The following FRMPD4 variants were observed in gnomAD, a reference collection of about 807,000 sequenced individuals.
The protein encoded by FRMPD4 is FERM and PDZ domain containing 4.
FRMPD4 carries 22 observed loss-of-function variants against 94.1 expected under a neutral mutation model. The ratio of observed to expected loss-of-function variants is 0.23; its 90% CI spans 0.17 to 0.33. The LOEUF (loss-of-function observed/expected upper bound fraction) is 0.33, where lower values mean the gene tolerates loss of function less well. Ranked by LOEUF, FRMPD4 falls within the 10% of genes least tolerant of loss-of-function variation. The pLI is 1.00. For synonymous variants in FRMPD4, 631 were observed against 548.6 expected (o/e 1.15, Z -2.10); for missense variants, 1,111 against 1,339.9 (o/e 0.83, Z 2.67).
chrX:12,553,719 T>C (rs1490458410), intron 2 of FRMPD4, among the ~76,000 whole-genome samples: 1 of 109,207 alleles, frequency 9.2e-6, no homozygotes, highest in Non-Finnish European at 1.9e-5. Flanking sequence ...CTGATTCTCA[T>C]GAAGCGAAAT....
chrX:12,166,954 T>C (rs2056130853), intron 1 of FRMPD4, among the ~76,000 whole-genome samples: 1 of 111,290 alleles, frequency 9.0e-6, no homozygotes, highest in Admixed American at 9.5e-5. Flanking sequence ...TTTTCTTTAT[T>C]AGTCTTGCTA....
intron 1 of FRMPD4, among the ~76,000 whole-genome samples, chrX:12,363,029 C>T (rs1185060647): frequency 8.9e-6 from 1 of 111,932 alleles, no homozygotes; most frequent in Non-Finnish European, 1.9e-5. Flanking sequence ...TGTTCGTATC[C>T]CTCGCCCACT....
intron 3 of FRMPD4, among the ~76,000 whole-genome samples, chrX:11,913,434 A>G (rs2054007356): frequency 8.9e-6 from 1 of 112,186 alleles, no homozygotes; most frequent in Admixed American, 9.4e-5. Flanking sequence ...TCTCAGAGCC[A>G]TGGTCATTAT....
intron 1 of FRMPD4, among the ~76,000 whole-genome samples, chrX:12,469,860 G>C (rs1017382454): frequency 8.9e-6 from 1 of 112,420 alleles, no homozygotes; most frequent in African/African-American, 3.2e-5. Flanking sequence ...ACATCCAAAG[G>C]TGTCTCACCT....
chrX:12,638,829 A>G (rs968261653), intron 4 of FRMPD4, among the ~76,000 whole-genome samples: 1 of 111,276 alleles, frequency 9.0e-6, no homozygotes, highest in Non-Finnish European at 1.9e-5. Context: ...TACGAGTGCT[A>G]CCTGTCTCCC....
intron 3 of FRMPD4, among the ~76,000 whole-genome samples, chrX:12,025,410 G>A (rs1389579897): frequency 9.1e-6 from 1 of 109,844 alleles, no homozygotes; most frequent in African/African-American, 3.3e-5. Context: ...AAAAAAAAAA[G>A]GAACTCCTGA....
At chrX:12,701,552 TA>T (rs2084661160) in intron 9 of FRMPD4, among the ~76,000 whole-genome samples, 3 of 112,210 alleles carry the variant, frequency 2.7e-5, no homozygotes, top group Admixed American at 9.5e-5. Context: ...CACATTATGC[TA>T]TCAATGCTGT....
chrX:11,982,059 C>G (rs754475334), intron 3 of FRMPD4, among the ~76,000 whole-genome samples: 2 of 112,015 alleles, frequency 1.8e-5, no homozygotes, highest in Non-Finnish European at 3.8e-5. Context: ...TGTCTCAGAC[C>G]TTCCATCACT....
chrX:12,101,419 A>C (rs1177650993), intron 3 of FRMPD4, among the ~76,000 whole-genome samples: 1 of 111,297 alleles, frequency 9.0e-6, no homozygotes, highest in African/African-American at 3.3e-5. Context: ...AATTGATCCT[A>C]GTCCTACTCT....
intron 1 of FRMPD4, among the ~76,000 whole-genome samples, chrX:12,487,109 G>T (rs2148205199): frequency 8.9e-6 from 1 of 112,246 alleles, no homozygotes; most frequent in East Asian, 2.8e-4. Flanking sequence ...CACCTCCAGA[G>T]TTTGAGGTAA....
chrX:12,527,842 C>G (rs147811108), intron 2 of FRMPD4, among the ~76,000 whole-genome samples: 1 of 112,298 alleles, frequency 8.9e-6, no homozygotes, highest in Non-Finnish European at 1.9e-5. Flanking sequence ...AGATGTTAGA[C>G]AGAGCTTCTC....
At chrX:11,869,464 C>T (rs1221999589) in intron 2 of FRMPD4, among the ~76,000 whole-genome samples, 4 of 111,268 alleles carry the variant, frequency 3.6e-5, no homozygotes, top group Middle Eastern at 4.2e-3. Flanking sequence ...AATGTCTCAC[C>T]ATGAAAAAGG....
In FRMPD4 at chrX:12,093,217, A is replaced by G. The variant is rs145710267; in HGVS notation, c.95+215199A>G. 3.6e-5 allele frequency among the ~76,000 whole-genome samples: 4 copies of G among 111,528 alleles called. No individual in the cohort carries two copies. In the East Asian group the frequency reaches 1.1e-3, roughly 32 times the overall value. The stretch of plus-strand genomic sequence containing the variant: ...TTTCCTTTGGGCAAGATAGGGAATC[A>G]TTTAGAGGGTTATGAGCAAGGGAAT... On this transcript the variant is annotated intron_variant, in intron 3 of 18. Coordinates refer to the FRMPD4 transcript ENST00000640291.
intron 3 of FRMPD4, among the ~76,000 whole-genome samples, chrX:12,131,237 A>C (rs989577102): frequency 3.1e-4 from 35 of 112,303 alleles, no homozygotes; most frequent in African/African-American, 1.1e-3. Context: ...GGCTGAGCTA[A>C]TCATTGTGTA....
intron 1 of FRMPD4, among the ~76,000 whole-genome samples, chrX:12,392,662 A>G (rs1471727013): frequency 3.8e-5 from 4 of 104,519 alleles, no homozygotes; most frequent in African/African-American, 1.4e-4. Flanking sequence ...CAAAAAAGAA[A>G]AAAGGAGCCA....
At chrX:12,075,041 T>C (rs2055001509) in intron 3 of FRMPD4, among the ~76,000 whole-genome samples, 1 of 112,275 alleles carries the variant, frequency 8.9e-6, no homozygotes, top group African/African-American at 3.2e-5. Context: ...AGTTGAGCTC[T>C]TATCTAATTG....
At chrX:12,361,702 T>A (rs1327276691) in intron 1 of FRMPD4, among the ~76,000 whole-genome samples, 1 of 112,156 alleles carries the variant, frequency 8.9e-6, no homozygotes, top group Non-Finnish European at 1.9e-5. Flanking sequence ...TCAGAGTATA[T>A]TAGGGCTTCT....
At chrX:12,367,851 G>A (rs572836681) in intron 1 of FRMPD4, among the ~76,000 whole-genome samples, 66 of 111,835 alleles carry the variant, frequency 5.9e-4, no homozygotes, top group Non-Finnish European at 1.1e-3. Context: ...TAGGCTGAAT[G>A]TACTTTCATC....
At position 12,718,384 on chromosome X, in the gene FRMPD4, T is replaced by C. The variant is rs1350467659; in HGVS notation, c.3558T>C (p.Ser1186=). The part of the protein sequence containing the change: ...HPSKLPEADE[S]VARLCDYHLA... Reference sequence around the variant, plus strand: ...CCAAGCTTCCTGAGGCTGATGAGAGTGTGGCCCGCCTTTGTGACTACCACT... The same window carrying C: ...CCAAGCTTCCTGAGGCTGATGAGAGCGTGGCCCGCCTTTGTGACTACCACT... Residue 1186 remains serine, a synonymous_variant, in exon 16 of 17, where the codon AGT becomes AGC. Coordinates refer to ENST00000675598, the MANE Select transcript of FRMPD4 (RefSeq NM_001368397.1). 6.6e-6 allele frequency: 8 copies of C among 1,211,375 alleles called. No homozygotes were observed. Among genetic ancestry groups the C allele is most frequent in the Middle Eastern group, 2.3e-4 (1 of 4,356 alleles).
Sources: allele counts gnomAD v4.1 joint callset (sites outside exome capture counted in the v4.1 genomes callset), GRCh38; gene constraint gnomAD v4.1.1; transcripts MANE v1.5; gene names NCBI Gene and HGNC (gene_info 2026-07-23, HGNC 2026-07-21).